The following PTPRD variants were observed in gnomAD, a reference collection of about 807,000 sequenced individuals.
PTPRD encodes the protein protein tyrosine phosphatase receptor type D.
Under a neutral mutation model 214.5 loss-of-function variants are expected in PTPRD, and 34 were observed. The ratio of observed to expected loss-of-function variants is 0.16; its 90% CI spans 0.12 to 0.21. The LOEUF (loss-of-function observed/expected upper bound fraction) is 0.21. PTPRD is among the 10% of genes least tolerant of loss of function. PTPRD has a pLI of 1.00. For missense variants in PTPRD, 2,545 were observed against 2,398.7 expected (o/e 1.06, Z -1.27); for synonymous variants, 1,128 against 845.7 (o/e 1.33, Z -5.79).
At chr9:10,276,790 T>C (rs992290691) in intron 3 of PTPRD, among the ~76,000 whole-genome samples, 3 of 152,294 alleles carry the variant, frequency 2.0e-5, no homozygotes, top group Non-Finnish European at 4.4e-5. Context: ...GTTAAAAAAT[T>C]ATAGGTCTAA....
intron 3 of PTPRD, among the ~76,000 whole-genome samples, chr9:10,279,323 T>C (rs529642960): frequency 2.6e-5 from 4 of 152,168 alleles, no homozygotes; most frequent in Non-Finnish European, 5.9e-5. Flanking sequence ...GCTTTTTAAT[T>C]ACGTTAGACA....
chr9:9,218,705 C>T (rs1399985000), intron 9 of PTPRD, among the ~76,000 whole-genome samples: 1 of 152,004 alleles, frequency 6.6e-6, no homozygotes, highest in Admixed American at 6.6e-5. Context: ...GCAACTAAAT[C>T]TGGGACTTTT....
intron 14 of PTPRD, among the ~76,000 whole-genome samples, chr9:8,611,000 A>G (rs2095426843): frequency 6.6e-6 from 1 of 152,248 alleles, no homozygotes; most frequent in Non-Finnish European, 1.5e-5. Flanking sequence ...TCATGTTGAA[A>G]TATTATATGG....
At chr9:10,107,206 G>C in intron 3 of PTPRD, among the ~76,000 whole-genome samples, 1 of 151,918 alleles carries the variant, frequency 6.6e-6, no homozygotes. Flanking sequence ...ATGAAATACC[G>C]GTCAGAGATG....
intron 12 of PTPRD, among the ~76,000 whole-genome samples, chr9:8,728,180 G>A (rs1014027586): frequency 1.3e-5 from 2 of 152,188 alleles, no homozygotes; most frequent in Non-Finnish European, 2.9e-5. Flanking sequence ...AACCGAGGAG[G>A]CGGAGGTTGC....
intron 11 of PTPRD, among the ~76,000 whole-genome samples, chr9:8,943,979 G>A (rs1442013509): frequency 6.6e-5 from 10 of 151,900 alleles, no homozygotes; most frequent in African/African-American, 2.2e-4. Context: ...TGGAATGGGA[G>A]AAAACATTTG....
intron 8 of PTPRD, among the ~76,000 whole-genome samples, chr9:9,520,729 CT>C: frequency 6.6e-6 from 1 of 152,168 alleles, no homozygotes; most frequent in Non-Finnish European, 1.5e-5. Context: ...CTCAACTTCT[CT>C]CATTTTAATT....
At position 9,923,574 on chromosome 9, in the gene PTPRD, A is replaced by T. The variant is rs182987788; in HGVS notation, c.-368+14933T>A. Among the ~76,000 whole-genome samples the T allele has an allele frequency of 7.2e-4, 109 of 152,144 alleles. 2 individuals carry two copies. The highest frequency in any genetic ancestry group is 2.5e-3 in the African/African-American group (103 of 41,560). ...GCTTAAACGTTTCCTACAAAGAAAA[A>T]GCATACAACAAAACAATTTAAAAAG... On this transcript the variant is annotated intron_variant, in intron 5 of 45. Coordinates refer to ENST00000381196, the MANE Select transcript of PTPRD (RefSeq NM_002839.4).
At chr9:10,333,600 C>T (rs565582715) in intron 3 of PTPRD, among the ~76,000 whole-genome samples, 23 of 151,890 alleles carry the variant, frequency 1.5e-4, no homozygotes, top group Admixed American at 1.4e-3. Flanking sequence ...ACAATATTTA[C>T]TTCCATTTAA....
chr9:9,159,410 T>A (rs1569556068), intron 10 of PTPRD, among the ~76,000 whole-genome samples: 1 of 152,156 alleles, frequency 6.6e-6, no homozygotes, highest in Non-Finnish European at 1.5e-5. Flanking sequence ...TGTTTCTATA[T>A]ATGTATAATG....
chr9:10,254,892 T>A (rs1460996367), intron 3 of PTPRD, among the ~76,000 whole-genome samples: 1 of 152,190 alleles, frequency 6.6e-6, no homozygotes, highest in Non-Finnish European at 1.5e-5. Flanking sequence ...GACAAAAGGA[T>A]CAAATCTCTG....
intron 9 of PTPRD, among the ~76,000 whole-genome samples, chr9:9,236,880 C>G (rs1194797287): frequency 6.6e-6 from 1 of 152,058 alleles, no homozygotes; most frequent in Admixed American, 6.6e-5. Flanking sequence ...GTTGTCTAAG[C>G]TTTTCTAACT....
chr9:8,394,057 G>A (rs1016045025), intron 36 of PTPRD, among the ~76,000 whole-genome samples: 4 of 151,906 alleles, frequency 2.6e-5, no homozygotes, highest in Non-Finnish European at 4.4e-5. Flanking sequence ...AACAGAATTA[G>A]GCACGTTTTA....
chr9:8,571,257 C>T (rs773108553), intron 14 of PTPRD, among the ~76,000 whole-genome samples: 1 of 152,088 alleles, frequency 6.6e-6, no homozygotes, highest in African/African-American at 2.4e-5. Flanking sequence ...CTTGTGAATA[C>T]TTAAGAGTTT....
At chr9:8,668,022 T>A (rs565877846) in intron 12 of PTPRD, among the ~76,000 whole-genome samples, 1 of 152,214 alleles carries the variant, frequency 6.6e-6, no homozygotes, top group Non-Finnish European at 1.5e-5. Flanking sequence ...AAACTATAAA[T>A]CATGGGGTTA....
At chr9:9,106,039 G>A in intron 10 of PTPRD, among the ~76,000 whole-genome samples, 1 of 152,156 alleles carries the variant, frequency 6.6e-6, no homozygotes, top group East Asian at 1.9e-4. Flanking sequence ...AGGGGGGGTC[G>A]ATGGCTGAGA....
intron 2 of PTPRD, among the ~76,000 whole-genome samples, chr9:10,480,302 C>T (rs1329539017): frequency 6.6e-6 from 1 of 152,116 alleles, no homozygotes; most frequent in Non-Finnish European, 1.5e-5. Context: ...CCATTCTCTA[C>T]CAGGCAGCTG....
intron 3 of PTPRD, among the ~76,000 whole-genome samples, chr9:10,186,615 A>G (rs909531827): frequency 6.6e-6 from 1 of 152,128 alleles, no homozygotes; most frequent in African/African-American, 2.4e-5. Context: ...TTGGCTCATA[A>G]ATAACATAGT....
At chr9:9,757,832 C>T (rs1294065450) in intron 6 of PTPRD, among the ~76,000 whole-genome samples, 3 of 152,174 alleles carry the variant, frequency 2.0e-5, no homozygotes, top group Non-Finnish European at 4.4e-5. Flanking sequence ...CTCATCATAA[C>T]TAAGAATTTT....
Sources: allele counts gnomAD v4.1 joint callset (sites outside exome capture counted in the v4.1 genomes callset), GRCh38; gene constraint gnomAD v4.1.1; transcripts MANE v1.5; gene names NCBI Gene and HGNC (gene_info 2026-07-23, HGNC 2026-07-21).